Variants in HECW2 observed in about 807,000 individuals in gnomAD.
HECW2 encodes HECT, C2 and WW domain containing E3 ubiquitin protein ligase 2, also known as E3 ubiquitin-protein ligase HECW2.
In HECW2, 61 loss-of-function variants were observed where a neutral mutation model predicts 175.2. That is an observed-to-expected ratio of 0.35 (90% CI 0.28 to 0.43). The LOEUF (loss-of-function observed/expected upper bound fraction) is 0.43. HECW2 is among the 20% of genes least tolerant of loss of function. HECW2 has a pLI of 1.00. For synonymous variants in HECW2, 671 were observed against 731.0 expected (o/e 0.92, Z 1.32); for missense variants, 1,524 against 2,000.5 (o/e 0.76, Z 4.54).
intron 1 of HECW2, among the ~76,000 whole-genome samples, chr2:196,465,705 T>C (rs1195603802): frequency 2.7e-5 from 4 of 149,946 alleles, no homozygotes; most frequent in East Asian, 3.9e-4. Flanking sequence ...GCCATGCAAA[T>C]ACGTGGCCGT....
chr2:196,422,452 G>A (rs1251809020), intron 2 of HECW2, among the ~76,000 whole-genome samples: 2 of 152,054 alleles, frequency 1.3e-5, no homozygotes, highest in African/African-American at 4.8e-5. Flanking sequence ...GCCCAAAGAG[G>A]TCATGTGTCC....
chr2:196,225,909 AG>A (rs1559447785), intron 22 of HECW2, 39 bp from the exon 23 acceptor site: 1 of 1,279,498 alleles, frequency 7.8e-7, no homozygotes, highest in Non-Finnish European at 1.1e-6. Context: ...CATGTCATGG[AG>A]CAGTTTCTAG....
At chr2:196,357,015 A>G (rs953012349) in intron 2 of HECW2, among the ~76,000 whole-genome samples, 1 of 152,172 alleles carries the variant, frequency 6.6e-6, no homozygotes, top group Non-Finnish European at 1.5e-5. Flanking sequence ...TGTCTAGACC[A>G]CACTCTGAGG....
intron 1 of HECW2, among the ~76,000 whole-genome samples, chr2:196,574,744 C>T (rs559122518): frequency 1.0e-3 from 157 of 152,212 alleles, no homozygotes; most frequent in Non-Finnish European, 1.8e-3. Flanking sequence ...AAGAGCAACA[C>T]TAAAGGCACC....
intron 2 of HECW2, among the ~76,000 whole-genome samples, chr2:196,371,491 G>A (rs6749624): frequency 0.22 from 33,652 of 152,164 alleles, 6,152 homozygotes; most frequent in African/African-American, 0.51. Flanking sequence ...TCCACAAAAT[G>A]TGGGCCATGG....
intron 1 of HECW2, among the ~76,000 whole-genome samples, chr2:196,525,305 C>A (rs1444663880): frequency 2.9e-5 from 3 of 104,774 alleles, no homozygotes; most frequent in Admixed American, 1.0e-4. Flanking sequence ...GCAACCCCTG[C>A]CTTTTTTTGT....
At chr2:196,505,337 G>A (rs1304047725) in intron 1 of HECW2, among the ~76,000 whole-genome samples, 2 of 152,018 alleles carry the variant, frequency 1.3e-5, no homozygotes, top group African/African-American at 2.4e-5. Context: ...TCAAGAGATC[G>A]AGACCATCCT....
intron 2 of HECW2, among the ~76,000 whole-genome samples, chr2:196,354,704 T>G (rs1693299968): frequency 6.6e-6 from 1 of 152,216 alleles, no homozygotes; most frequent in East Asian, 1.9e-4. Context: ...CATTGCAAAT[T>G]CTTGGTAAGC....
chr2:196,456,164 C>G (rs1473858350), intron 1 of HECW2, among the ~76,000 whole-genome samples: 1 of 152,056 alleles, frequency 6.6e-6, no homozygotes, highest in African/African-American at 2.4e-5. Flanking sequence ...AACATTTAAG[C>G]TCTTCTTTAA....
intron 14 of HECW2, among the ~76,000 whole-genome samples, chr2:196,282,996 C>T (rs574010553): frequency 1.3e-5 from 2 of 152,014 alleles, no homozygotes; most frequent in East Asian, 3.9e-4. Context: ...TGTGGTGGCT[C>T]ACACCTGTAA....
At chr2:196,209,445 T>C (rs1687184422) in intron 28 of HECW2, among the ~76,000 whole-genome samples, 1 of 152,362 alleles carries the variant, frequency 6.6e-6, no homozygotes, top group Non-Finnish European at 1.5e-5. Flanking sequence ...AACTCTGGCA[T>C]GTTTTTGTTA....
chr2:196,544,946 T>C (rs1689361577), intron 1 of HECW2, among the ~76,000 whole-genome samples: 1 of 152,160 alleles, frequency 6.6e-6, no homozygotes, highest in Non-Finnish European at 1.5e-5. Context: ...ACCCCATGAG[T>C]TGCCACATTC....
chr2:196,470,453 C>T (rs1400337633), intron 1 of HECW2, among the ~76,000 whole-genome samples: 1 of 152,114 alleles, frequency 6.6e-6, no homozygotes, highest in Non-Finnish European at 1.5e-5. Context: ...CATATTAGTA[C>T]TTTGTGGATG....
At chr2:196,372,097 T>C (rs1693924670) in intron 2 of HECW2, among the ~76,000 whole-genome samples, 1 of 152,222 alleles carries the variant, frequency 6.6e-6, no homozygotes, top group Non-Finnish European at 1.5e-5. Flanking sequence ...CTGTGCATTT[T>C]TGCTAACATG....
chr2:196,296,728 A>G (rs1690830203), intron 13 of HECW2, among the ~76,000 whole-genome samples: 1 of 152,228 alleles, frequency 6.6e-6, no homozygotes, highest in African/African-American at 2.4e-5. Flanking sequence ...AAAGAGTTGG[A>G]AAAACAAAGG....
At chr2:196,534,236 T>C (rs951538717) in intron 1 of HECW2, among the ~76,000 whole-genome samples, 1 of 152,058 alleles carries the variant, frequency 6.6e-6, no homozygotes, top group Admixed American at 6.5e-5. Context: ...TCACTCTCAC[T>C]GTAAATGAGT....
intron 1 of HECW2, among the ~76,000 whole-genome samples, chr2:196,494,611 C>A (rs1033319611): frequency 6.6e-6 from 1 of 152,138 alleles, no homozygotes; most frequent in Non-Finnish European, 1.5e-5. Context: ...GAAGGCATGA[C>A]AATTGAGGGT....
At chr2:196,396,148 A>C (rs762968027) in intron 2 of HECW2, among the ~76,000 whole-genome samples, 2 of 152,244 alleles carry the variant, frequency 1.3e-5, no homozygotes, top group Non-Finnish European at 2.9e-5. Flanking sequence ...TTCCACATAC[A>C]TGAGGTACCT....
At chr2:196,297,280 G>GT (rs1186307453) in intron 13 of HECW2, among the ~76,000 whole-genome samples, 1 of 152,024 alleles carries the variant, frequency 6.6e-6, no homozygotes, top group Non-Finnish European at 1.5e-5. Flanking sequence ...TTCCCTCCTG[G>GT]TTGTTTCTCA....
Sources: allele counts gnomAD v4.1 joint callset (sites outside exome capture counted in the v4.1 genomes callset), GRCh38; gene constraint gnomAD v4.1.1; transcripts MANE v1.5; gene names NCBI Gene and HGNC (gene_info 2026-07-23, HGNC 2026-07-21).